Variants in GRIK2 observed in about 807,000 individuals in gnomAD.
GRIK2 encodes the protein glutamate receptor ionotropic, kainate 2.
A neutral mutation model predicts 100.3 loss-of-function variants in GRIK2; 32 were observed. The observed-to-expected ratio is 0.32, with a 90% confidence interval of 0.24 to 0.43. GRIK2 has a LOEUF of 0.43. Ranked by LOEUF, GRIK2 falls within the 20% of genes least tolerant of loss-of-function variation. The pLI is 1.00. For synonymous variants in GRIK2, 417 were observed against 389.4 expected (o/e 1.07, Z -0.83); for missense variants, 843 against 1,114.9 (o/e 0.76, Z 3.47).
At chr6:101,878,683 T>C (rs1051135051) in intron 11 of GRIK2, among the ~76,000 whole-genome samples, 3 of 152,024 alleles carry the variant, frequency 2.0e-5, no homozygotes, top group Admixed American at 6.6e-5. Flanking sequence ...TCATTCGTTA[T>C]CGTCTCTGAA....
At chr6:102,049,662 A>G (rs1348818192) in intron 15 of GRIK2, among the ~76,000 whole-genome samples, 1 of 152,192 alleles carries the variant, frequency 6.6e-6, no homozygotes, top group African/African-American at 2.4e-5. Flanking sequence ...ACAGATGTAC[A>G]TTTACCAAAA....
chr6:102,017,405 A>G (rs1347025719), intron 14 of GRIK2, among the ~76,000 whole-genome samples: 1 of 152,164 alleles, frequency 6.6e-6, no homozygotes, highest in Non-Finnish European at 1.5e-5. Context: ...CTCCCTTGAC[A>G]TCTTGTGATT....
At chr6:101,982,505 G>T (rs1043401582) in intron 14 of GRIK2, among the ~76,000 whole-genome samples, 2 of 151,698 alleles carry the variant, frequency 1.3e-5, no homozygotes, top group Non-Finnish European at 2.9e-5. Context: ...TGTGTGAATC[G>T]TGGGTGTAAT....
At chr6:101,531,433 T>C (rs1775438725) in intron 2 of GRIK2, among the ~76,000 whole-genome samples, 1 of 151,884 alleles carries the variant, frequency 6.6e-6, no homozygotes, top group Non-Finnish European at 1.5e-5. Flanking sequence ...AAAAGAAAAG[T>C]GACAAGTAAC....
At chr6:101,507,868 A>C (rs1209743299) in intron 2 of GRIK2, among the ~76,000 whole-genome samples, 1 of 152,176 alleles carries the variant, frequency 6.6e-6, no homozygotes, top group Non-Finnish European at 1.5e-5. Context: ...CTAGGATTCA[A>C]ATTGGATCAC....
intron 12 of GRIK2, among the ~76,000 whole-genome samples, chr6:101,911,317 A>G (rs2518274): frequency 0.86 from 129,447 of 151,292 alleles, 55,538 homozygotes; most frequent in East Asian, 0.94. Context: ...TACATGAATC[A>G]GTCAAATGAT....
chr6:101,942,965 C>T (rs2399631), intron 14 of GRIK2, among the ~76,000 whole-genome samples: 122,971 of 152,154 alleles, frequency 0.81, 49,860 homozygotes, highest in East Asian at 0.92. Context: ...GTCTCCAAGG[C>T]ATTTCAGAGA....
chr6:101,644,984 G>A (rs1021956352), intron 4 of GRIK2, among the ~76,000 whole-genome samples: 1 of 151,652 alleles, frequency 6.6e-6, no homozygotes, highest in African/African-American at 2.4e-5. Flanking sequence ...TGGAGGTACT[G>A]GAGTAACTGT....
chr6:101,896,694 C>T (rs1424005409), intron 12 of GRIK2, among the ~76,000 whole-genome samples: 1 of 151,592 alleles, frequency 6.6e-6, no homozygotes, highest in Non-Finnish European at 1.5e-5. Flanking sequence ...GGAAAGACTC[C>T]TGGAAGCAAA....
At chr6:102,017,272 A>G (rs1273211502) in intron 14 of GRIK2, among the ~76,000 whole-genome samples, 1 of 152,090 alleles carries the variant, frequency 6.6e-6, no homozygotes, top group Non-Finnish European at 1.5e-5. Context: ...GGAGATGGAG[A>G]GAGTGAAGGG....
chr6:102,017,459 T>TATC (rs1769172504), intron 14 of GRIK2, among the ~76,000 whole-genome samples: 1 of 152,134 alleles, frequency 6.6e-6, no homozygotes, highest in African/African-American at 2.4e-5. Context: ...AGCCAAACCA[T>TATC]ATCAATTGCA....
At chr6:101,738,277 G>GA (rs1562346800) in intron 7 of GRIK2, among the ~76,000 whole-genome samples, 764 of 121,852 alleles carry the variant, frequency 6.3e-3, no homozygotes, top group East Asian at 0.019. Flanking sequence ...AATTGTAATT[G>GA]TAATTGTCAA....
intron 2 of GRIK2, among the ~76,000 whole-genome samples, chr6:101,495,078 A>G (rs1056969450): frequency 5.4e-5 from 8 of 148,510 alleles, no homozygotes; most frequent in African/African-American, 9.9e-5. Context: ...CATTATATCA[A>G]TTATGTTCTC....
At chr6:101,592,984 T>C (rs2128307358) in intron 2 of GRIK2, among the ~76,000 whole-genome samples, 1 of 152,002 alleles carries the variant, frequency 6.6e-6, no homozygotes, top group East Asian at 1.9e-4. Flanking sequence ...AGATTAATGA[T>C]ATAGGCAATT....
At chr6:102,057,374 G>A (rs1239986227) in intron 16 of GRIK2, among the ~76,000 whole-genome samples, 1 of 151,766 alleles carries the variant, frequency 6.6e-6, no homozygotes, top group Non-Finnish European at 1.5e-5. Context: ...ACAAGTATCT[G>A]GTTAAAACAA....
intron 14 of GRIK2, among the ~76,000 whole-genome samples, chr6:101,966,796 T>C (rs1379253221): frequency 6.6e-6 from 1 of 152,170 alleles, no homozygotes; most frequent in Non-Finnish European, 1.5e-5. Flanking sequence ...ATTTAATGGT[T>C]GATTTTTAGC....
At chr6:101,853,902 T>A (rs1784276333) in intron 10 of GRIK2, among the ~76,000 whole-genome samples, 2 of 152,144 alleles carry the variant, frequency 1.3e-5, no homozygotes, top group South Asian at 4.1e-4. Context: ...ACTAAAAAGA[T>A]TAACGGTTGC....
At chr6:101,429,965 T>G (rs1459112694) in intron 2 of GRIK2, among the ~76,000 whole-genome samples, 3 of 152,172 alleles carry the variant, frequency 2.0e-5, no homozygotes, top group Non-Finnish European at 4.4e-5. Flanking sequence ...GTCCTAACGC[T>G]TGGACTTCTC....
chr6:101,646,488 T>A (rs907566284), intron 4 of GRIK2, among the ~76,000 whole-genome samples: 1 of 151,936 alleles, frequency 6.6e-6, no homozygotes, highest in Admixed American at 6.6e-5. Flanking sequence ...TTGACTATGG[T>A]AATTATATCA....
Sources: gnomAD v4.1 joint callset for allele counts (sites outside exome capture counted in the v4.1 genomes callset) on GRCh38, gnomAD v4.1.1 for gene constraint, MANE v1.5 for transcripts, NCBI Gene and HGNC (gene_info 2026-07-23, HGNC 2026-07-21) for gene names.